Variants in AFG2B observed in about 807,000 individuals in gnomAD.
AFG2B encodes ATPase family gene 2 protein homolog B.
the AFG2B span, among the ~76,000 whole-genome samples, chr15:45,409,250 C>A: frequency 6.6e-6 from 1 of 151,752 alleles, no homozygotes; most frequent in African/African-American, 2.4e-5. Context: ...GTGGCTCATG[C>A]CTATAAATCC....
chr15:45,420,852 C>T, the AFG2B span, among the ~76,000 whole-genome samples: 8 of 151,988 alleles, frequency 5.3e-5, no homozygotes, highest in African/African-American at 9.7e-5. Flanking sequence ...ATTAGTTGGG[C>T]GTGGTGGCAG....
the AFG2B span, among the ~76,000 whole-genome samples, chr15:45,406,440 G>C: frequency 6.6e-6 from 1 of 152,146 alleles, no homozygotes; most frequent in East Asian, 1.9e-4. Context: ...TAAGTATCTA[G>C]TGGGAGAAAT....
At chr15:45,409,105 G>T in the AFG2B span, among the ~76,000 whole-genome samples, 3 of 152,182 alleles carry the variant, frequency 2.0e-5, no homozygotes, top group African/African-American at 7.2e-5. Context: ...GCCACGTGCG[G>T]TGGCTCACAC....
At chr15:45,421,260 G>A in the AFG2B span, 8 of 1,314,394 alleles carry the variant, frequency 6.1e-6, no homozygotes, top group African/African-American at 1.5e-5. Flanking sequence ...ATGTGAACTT[G>A]CCTGTCGTTT....
the AFG2B span, among the ~76,000 whole-genome samples, chr15:45,404,824 GA>G: frequency 1.7e-3 from 185 of 109,454 alleles, no homozygotes; most frequent in East Asian, 7.5e-3. Context: ...AAAAAAAAAA[GA>G]AAAAAAAAAT....
chr15:45,408,169 C>T, the AFG2B span, among the ~76,000 whole-genome samples: 3 of 152,126 alleles, frequency 2.0e-5, no homozygotes, highest in African/African-American at 4.8e-5. Context: ...TGACAATAAA[C>T]ATGAAAGATG....
the AFG2B span, chr15:45,403,165 G>A: frequency 1.4e-6 from 2 of 1,464,396 alleles, no homozygotes; most frequent in Non-Finnish European, 1.8e-6. Context: ...CCCCGGAGTG[G>A]GCAAGACCCA....
the AFG2B span, among the ~76,000 whole-genome samples, chr15:45,413,655 C>G: frequency 2.0e-5 from 3 of 152,196 alleles, no homozygotes; most frequent in Non-Finnish European, 4.4e-5. Flanking sequence ...CTCCCTGCCT[C>G]TAGTTTAATT....
the AFG2B span, chr15:45,418,595 G>A: frequency 1.9e-6 from 3 of 1,613,304 alleles, no homozygotes; most frequent in South Asian, 1.1e-5. Context: ...CAAAAACCAT[G>A]CCAATAGGGC....
At chr15:45,413,733 T>G in the AFG2B span, among the ~76,000 whole-genome samples, 1 of 152,216 alleles carries the variant, frequency 6.6e-6, no homozygotes, top group African/African-American at 2.4e-5. Flanking sequence ...TATTGTGATC[T>G]GACTCCTACC....
chr15:45,403,925 G>C, the AFG2B span, among the ~76,000 whole-genome samples: 2 of 151,352 alleles, frequency 1.3e-5, no homozygotes, highest in African/African-American at 4.9e-5. Context: ...GCCTCAAGAA[G>C]TAAGTGTGTT....
At chr15:45,403,590 G>A in the AFG2B span, 2 of 1,564,158 alleles carry the variant, frequency 1.3e-6, no homozygotes, top group South Asian at 1.2e-5. Flanking sequence ...TGGCTGCCCC[G>A]GAGGCGTTTG....
the AFG2B span, chr15:45,402,397 TCTG>T: frequency 6.4e-7 from 1 of 1,558,858 alleles, no homozygotes; most frequent in Non-Finnish European, 8.6e-7. Context: ...GGTTTCCTAA[TCTG>T]GTTTCGTCTG....
the AFG2B span, among the ~76,000 whole-genome samples, chr15:45,419,880 A>C: frequency 2.0e-5 from 3 of 150,898 alleles, no homozygotes; most frequent in Non-Finnish European, 4.4e-5. Flanking sequence ...TGTCCCAGCT[A>C]CTCAGGAGGC....
chr15:45,420,540 C>T, the AFG2B span, among the ~76,000 whole-genome samples: 1 of 151,992 alleles, frequency 6.6e-6, no homozygotes, highest in Non-Finnish European at 1.5e-5. Flanking sequence ...TTTCTTTTTT[C>T]CCATTAATGT....
chr15:45,410,323 C>G, the AFG2B span: 2 of 1,587,126 alleles, frequency 1.3e-6, no homozygotes. Flanking sequence ...TAAAAAAAGA[C>G]CAACCTAATT....
At chr15:45,415,554 T>C in the AFG2B span, 1 of 1,550,402 alleles carries the variant, frequency 6.4e-7, no homozygotes, top group Non-Finnish European at 8.9e-7. Flanking sequence ...ATGTATAACA[T>C]ATAGCTTTTT....
At chr15:45,410,506 A>G in the AFG2B span, 71 of 1,610,116 alleles carry the variant, frequency 4.4e-5, no homozygotes, top group Non-Finnish European at 9.3e-6. Flanking sequence ...GTGGCCTTGA[A>G]GATGTAAAAC....
chr15:45,417,367 A>G, the AFG2B span: 4 of 1,614,066 alleles, frequency 2.5e-6, no homozygotes, highest in Non-Finnish European at 3.4e-6. Flanking sequence ...AAGATTAGAT[A>G]AGATCATCTA....
Sources: allele counts gnomAD v4.1 joint callset (sites outside exome capture counted in the v4.1 genomes callset), GRCh38; gene constraint gnomAD v4.1.1; transcripts MANE v1.5; gene names NCBI Gene and HGNC (gene_info 2026-07-23, HGNC 2026-07-21).